The following CSMD3 variants were observed in gnomAD, a reference collection of about 807,000 sequenced individuals.
CSMD3 encodes the protein CUB and sushi domain-containing protein 3.
A neutral mutation model predicts 435.2 loss-of-function variants in CSMD3; 177 were observed. That is an observed-to-expected ratio of 0.41 (90% CI 0.36 to 0.46). CSMD3 has a LOEUF of 0.46. Ranked by LOEUF, CSMD3 falls within the 20% of genes least tolerant of loss-of-function variation. CSMD3 has a pLI of 0.34. For synonymous variants in CSMD3, 1,656 were observed against 1,520.5 expected (o/e 1.09, Z -2.07); for missense variants, 4,265 against 4,504.6 (o/e 0.95, Z 1.52).
intron 5 of CSMD3, among the ~76,000 whole-genome samples, chr8:113,092,951 A>T (rs1228218047): frequency 6.6e-6 from 1 of 152,150 alleles, no homozygotes; most frequent in East Asian, 1.9e-4. Context: ...AAACTAATTT[A>T]TGTAACTTCA....
intron 13 of CSMD3, among the ~76,000 whole-genome samples, chr8:112,702,610 T>A (rs1047998697): frequency 3.9e-5 from 6 of 152,030 alleles, no homozygotes. Flanking sequence ...TAAAGACTGA[T>A]CCCCATGGTC....
chr8:112,630,463 T>G (rs1281381749), intron 22 of CSMD3, among the ~76,000 whole-genome samples: 1 of 152,146 alleles, frequency 6.6e-6, no homozygotes, highest in Non-Finnish European at 1.5e-5. Context: ...TAATATCTTC[T>G]TAAATGGTTT....
chr8:113,396,716 C>G (rs1027359007), intron 1 of CSMD3, among the ~76,000 whole-genome samples: 9 of 152,152 alleles, frequency 5.9e-5, no homozygotes, highest in Non-Finnish European at 1.0e-4. Flanking sequence ...AATAGTCTCT[C>G]TTTAAGGGAG....
intron 22 of CSMD3, among the ~76,000 whole-genome samples, chr8:112,634,823 A>G (rs2074611871): frequency 6.6e-6 from 1 of 151,876 alleles, no homozygotes; most frequent in South Asian, 2.1e-4. Flanking sequence ...TCTCTATGAT[A>G]GATTCCTTCT....
chr8:113,429,638 T>C (rs1366414778), intron 1 of CSMD3, among the ~76,000 whole-genome samples: 17 of 152,142 alleles, frequency 1.1e-4, no homozygotes, highest in Admixed American at 1.1e-3. Context: ...ACCACAAGCA[T>C]ATAATTACTA....
At chr8:112,861,798 G>T (rs1255670234) in intron 10 of CSMD3, among the ~76,000 whole-genome samples, 1 of 151,890 alleles carries the variant, frequency 6.6e-6, no homozygotes, top group Non-Finnish European at 1.5e-5. Context: ...AGTGGCTATA[G>T]CTTTCTGATT....
At chr8:113,380,114 T>C (rs1483708174) in intron 1 of CSMD3, among the ~76,000 whole-genome samples, 1 of 152,050 alleles carries the variant, frequency 6.6e-6, no homozygotes, top group Non-Finnish European at 1.5e-5. Context: ...TGAAAGGTTC[T>C]TTTTTTTAAC....
At chr8:113,272,264 A>T (rs1283632650) in intron 3 of CSMD3, among the ~76,000 whole-genome samples, 2 of 152,098 alleles carry the variant, frequency 1.3e-5, no homozygotes, top group African/African-American at 4.8e-5. Flanking sequence ...AGGATGTGAG[A>T]TTCGGAGGGG....
At chr8:113,234,680 T>C (rs2093127975) in intron 3 of CSMD3, among the ~76,000 whole-genome samples, 1 of 152,132 alleles carries the variant, frequency 6.6e-6, no homozygotes, top group African/African-American at 2.4e-5. Context: ...AACTTGAAGA[T>C]ACCTTATGAC....
At chr8:113,209,765 G>T (rs1357523417) in intron 3 of CSMD3, among the ~76,000 whole-genome samples, 2 of 151,964 alleles carry the variant, frequency 1.3e-5, no homozygotes, top group African/African-American at 4.8e-5. Context: ...AATTAATAAG[G>T]AGTCAAGCAA....
intron 5 of CSMD3, among the ~76,000 whole-genome samples, chr8:113,023,617 A>G (rs980933144): frequency 6.6e-6 from 1 of 152,062 alleles, no homozygotes; most frequent in African/African-American, 2.4e-5. Flanking sequence ...AACTTTGCAT[A>G]TACTTCGCTT....
At chr8:112,292,857 T>TAGTAAATG in intron 54 of CSMD3, 147 bp from the exon 55 acceptor site, 1 of 725,346 alleles carries the variant, frequency 1.4e-6, no homozygotes, top group Non-Finnish European at 2.4e-6. Flanking sequence ...GAAAGTACAT[T>TAGTAAATG]TACTAATGTA....
At chr8:112,867,485 C>A (rs1194117243) in intron 10 of CSMD3, among the ~76,000 whole-genome samples, 1 of 152,058 alleles carries the variant, frequency 6.6e-6, no homozygotes, top group Non-Finnish European at 1.5e-5. Context: ...TATTAAACAT[C>A]ATAGAGTGTG....
intron 5 of CSMD3, among the ~76,000 whole-genome samples, chr8:113,083,700 C>T (rs1000050795): frequency 6.8e-6 from 1 of 148,080 alleles, no homozygotes; most frequent in African/African-American, 2.5e-5. Flanking sequence ...CTATCTACAA[C>T]TTTGGATGTA....
intron 27 of CSMD3, among the ~76,000 whole-genome samples, chr8:112,519,507 G>C (rs986906018): frequency 1.3e-5 from 2 of 152,122 alleles, no homozygotes; most frequent in African/African-American, 4.8e-5. Flanking sequence ...GAATTATCCA[G>C]TGACTAGTCT....
At chr8:112,417,010 G>C (rs1357831346) in intron 32 of CSMD3, among the ~76,000 whole-genome samples, 1 of 152,158 alleles carries the variant, frequency 6.6e-6, no homozygotes, top group Admixed American at 6.6e-5. Flanking sequence ...AGCAACTCTA[G>C]TAGTCAGAAG....
At chr8:113,360,426 A>C (rs66516149) in intron 1 of CSMD3, among the ~76,000 whole-genome samples, 14,992 of 152,184 alleles carry the variant, frequency 0.099, 856 homozygotes, top group Middle Eastern at 0.16. Flanking sequence ...ACATTGATTT[A>C]TTTTGTTTAT....
chr8:113,286,639 C>A lies in CSMD3; in HGVS notation c.402-7935G>T, dbSNP rs1240810821. Among the ~76,000 whole-genome samples, 9 of 151,264 alleles carry A rather than the reference C, an allele frequency of 5.9e-5. No individual in the cohort carries two copies. The East Asian group carries it at 1.8e-3, about 30-fold the overall frequency. The stretch of plus-strand genomic sequence containing the variant: ...TCTAACTATGTTTATTAGGTTTTAA[C>A]TGTAAGATTTTATTTTTTCTGGGAG... On this transcript the variant is annotated intron_variant, in intron 2 of 70. Coordinates refer to ENST00000297405, the MANE Select transcript of CSMD3 (RefSeq NM_198123.2).
rs1328539008 is a variant in CSMD3, at chr8:112,226,107, T to G, written c.10965-1177A>C. The stretch of plus-strand genomic sequence containing the variant: ...TAATTGCCATTATATTATTTTATTA[T>G]CACTAATGCATTTTTCTGAATTTAT... On this transcript the variant is annotated intron_variant, in intron 70 of 70. Transcript: ENST00000297405. Among the ~76,000 whole-genome samples, 3 of 152,268 alleles carry G rather than the reference T, an allele frequency of 2.0e-5. No homozygotes were observed. The South Asian group carries it at 6.2e-4, about 32-fold the overall frequency.
Sources: allele counts gnomAD v4.1 joint callset (sites outside exome capture counted in the v4.1 genomes callset), GRCh38; gene constraint gnomAD v4.1.1; transcripts MANE v1.5; gene names NCBI Gene and HGNC (gene_info 2026-07-23, HGNC 2026-07-21).